TRIM44: variants seen among roughly 807,000 people sequenced by gnomAD.
The protein encoded by TRIM44 is tripartite motif containing 44, also known as tripartite motif-containing protein 44.
TRIM44 carries 13 observed loss-of-function variants against 37.4 expected under a neutral mutation model. The observed-to-expected ratio is 0.35, with a 90% CI of 0.23 to 0.55. The LOEUF (loss-of-function observed/expected upper bound fraction) is 0.55, where lower values mean the gene tolerates loss of function less well. Among genes scored for constraint, TRIM44 ranks in the 20% least tolerant of loss-of-function variants. TRIM44 has a pLI of 0.89. For synonymous variants in TRIM44, 175 were observed against 157.2 expected (o/e 1.11, Z -0.85); for missense variants, 426 against 437.2 (o/e 0.97, Z 0.23).
chr11:35,663,407 G>A lies in TRIM44; in HGVS notation c.296G>A (p.Ser99Asn). The A allele has an allele frequency of 6.3e-7, 1 of 1,589,900 alleles. No homozygotes were observed. Among genetic ancestry groups the A allele is most frequent in the Non-Finnish European group, 8.6e-7 (1 of 1,166,770 alleles). ...ATAGAAAGCGAGGCAGGGGAAGAGA[G>A]TGAGTCGGAGGAAGAGAGCGAGTCA... is the stretch of plus-strand genomic sequence containing the variant. ...REIESEAGEE[S>N]ESEEESESEE... Residue 99 changes from serine to asparagine, a missense_variant, in exon 1 of 5, where the codon AGT becomes AAT. By Grantham distance (46) the Ser-to-Asn change is conservative. This residue lies in a region of TRIM44 where 331 missense variants were observed against 303.0 expected (regional missense o/e 1.09). Coordinates refer to ENST00000299413, the MANE Select transcript of TRIM44 (RefSeq NM_017583.6).
chr11:35,788,672 C>T (rs906190135), intron 4 of TRIM44, among the ~76,000 whole-genome samples: 11 of 152,152 alleles, frequency 7.2e-5, no homozygotes, highest in Non-Finnish European at 1.2e-4. Flanking sequence ...TGGTTCTCAG[C>T]GTTGGTTGCT....
At chr11:35,759,877 C>T (rs1240235885) in intron 4 of TRIM44, among the ~76,000 whole-genome samples, 1 of 152,138 alleles carries the variant, frequency 6.6e-6, no homozygotes, top group Non-Finnish European at 1.5e-5. Context: ...AGAGGAGTAC[C>T]CAGCCGTGTG....
chr11:35,727,335 GC>G (rs1394529473), intron 3 of TRIM44, among the ~76,000 whole-genome samples: 1 of 152,134 alleles, frequency 6.6e-6, no homozygotes, highest in Non-Finnish European at 1.5e-5. Context: ...TGCTGACTCA[GC>G]AAGTCCATCC....
chr11:35,726,476 A>G (rs1418548094), intron 3 of TRIM44, among the ~76,000 whole-genome samples: 2 of 152,206 alleles, frequency 1.3e-5, no homozygotes, highest in African/African-American at 4.8e-5. Context: ...AAGTTGTGAA[A>G]TGAGCCTTTA....
intron 2 of TRIM44, among the ~76,000 whole-genome samples, chr11:35,710,758 A>G (rs1204968949): frequency 6.6e-6 from 1 of 152,226 alleles, no homozygotes; most frequent in Non-Finnish European, 1.5e-5. Context: ...TTTCTCTTAC[A>G]AAAGGGTAAC....
chr11:35,763,177 A>G (rs1852750825), intron 4 of TRIM44, among the ~76,000 whole-genome samples: 1 of 152,218 alleles, frequency 6.6e-6, no homozygotes, highest in South Asian at 2.1e-4. Context: ...AAAGGGCAAT[A>G]GAAAACCATG....
intron 2 of TRIM44, among the ~76,000 whole-genome samples, chr11:35,703,376 A>G (rs190816686): frequency 1.3e-5 from 2 of 151,826 alleles, no homozygotes; most frequent in Non-Finnish European, 2.9e-5. Context: ...AGACTTAAAT[A>G]TCCCTGTCTT....
intron 2 of TRIM44, among the ~76,000 whole-genome samples, chr11:35,704,476 G>T (rs977807171): frequency 7.2e-5 from 11 of 152,126 alleles, no homozygotes; most frequent in Non-Finnish European, 1.5e-4. Context: ...CACCAAAGTT[G>T]AAATGAAGGA....
Position 35,755,310 on chromosome 11 carries a change from G to C in TRIM44, c.1007+19865G>C, listed in dbSNP as rs534892741. Among the ~76,000 whole-genome samples the C allele has an allele frequency of 3.9e-5, 6 of 152,332 alleles. No individual in the cohort carries two copies. In the East Asian group the frequency reaches 1.2e-3, roughly 29 times the overall value. On this transcript the variant is annotated intron_variant, in intron 4 of 4. Coordinates refer to ENST00000299413, the MANE Select transcript of TRIM44 (RefSeq NM_017583.6). ...TGGCTGCATAAATGTCTTCTTTTGAGAAGTGTCTGTTCATATCTTTTGCCC... is the reference window on the plus strand; with the variant it reads ...TGGCTGCATAAATGTCTTCTTTTGACAAGTGTCTGTTCATATCTTTTGCCC...
rs1049198534 is a variant in TRIM44, at chr11:35,663,338, C to G, written c.227C>G (p.Ala76Gly). Residue 76 changes from alanine (A) to glycine (G), a missense_variant, in exon 1 of 5, where the codon GCG (alanine) becomes GGG (glycine). Ala to Gly is a moderately conservative substitution (Grantham distance 60). Transcript: ENST00000299413. ...ACCCCGCCAGCTGACGGAGAGGGGG[C>G]GGGGAAGGAAGAAGCGGAGGTCAAG... ...AWTPPADGEG[A>G]GKEEAEVKVE... 17 of 1,613,430 alleles carry G rather than the reference C, an allele frequency of 1.1e-5. No individual in the cohort carries two copies. In the African/African-American group the frequency reaches 1.9e-4, roughly 18 times the overall value.
chr11:35,691,056 T>C (rs966649016), intron 2 of TRIM44, among the ~76,000 whole-genome samples: 2 of 152,128 alleles, frequency 1.3e-5, no homozygotes, highest in Admixed American at 1.3e-4. Context: ...CATAGCACAG[T>C]CCCCCACAGC....
intron 4 of TRIM44, among the ~76,000 whole-genome samples, chr11:35,757,256 T>C (rs1214083106): frequency 6.6e-6 from 1 of 152,246 alleles, no homozygotes; most frequent in Non-Finnish European, 1.5e-5. Context: ...GAGGAATTTA[T>C]CCATTTCTTC....
intron 1 of TRIM44, among the ~76,000 whole-genome samples, chr11:35,684,686 G>T (rs504423): frequency 0.98 from 149,876 of 152,246 alleles, 73,776 homozygotes; most frequent in East Asian, 1. Flanking sequence ...AGTTTTATGG[G>T]TTTTTTTGGT....
chr11:35,728,200 C>T (rs1852207566), intron 3 of TRIM44, among the ~76,000 whole-genome samples: 1 of 152,090 alleles, frequency 6.6e-6, no homozygotes, highest in African/African-American at 2.4e-5. Flanking sequence ...GTGGCGAGCA[C>T]CTGCAGTCCC....
Position 35,792,111 on chromosome 11 carries a change from A to ACACACACACACACACACTCT in TRIM44, c.1008-14246_1008-14245insACACACACACACACACTCTC, listed in dbSNP as rs796092540. On this transcript the variant is annotated intron_variant, in intron 4 of 4. Transcript: ENST00000299413. ...CACACACACACACACACACACACACACTCTCTCTCATCATTCTCTATTCCA... is the reference window on the plus strand; with the variant it reads ...CACACACACACACACACACACACACACACACACACACACACACTCTCTCTCTCTCATCATTCTCTATTCCA... 3.7e-3 allele frequency among the ~76,000 whole-genome samples: 423 copies of ACACACACACACACACACTCT among 114,270 alleles called. 2 individuals are homozygous for ACACACACACACACACACTCT. The highest frequency in any genetic ancestry group is 0.01 in the Admixed American group (125 of 11,948). 75.0% of individuals were successfully genotyped at this position (114,270 alleles called of 152,430 possible).
chr11:35,738,756 C>T (rs544889397), intron 4 of TRIM44, among the ~76,000 whole-genome samples: 54 of 152,096 alleles, frequency 3.6e-4, no homozygotes, highest in African/African-American at 1.2e-3. Context: ...GTATAAGGAA[C>T]GCAGAAAGGA....
At chr11:35,776,378 A>G (rs1294992132) in intron 4 of TRIM44, among the ~76,000 whole-genome samples, 3 of 152,070 alleles carry the variant, frequency 2.0e-5, no homozygotes, top group East Asian at 1.9e-4. Flanking sequence ...CTAGCGGTCT[A>G]TCAATTTTGT....
chr11:35,810,083 T>G lies in TRIM44; in HGVS notation c.*3698T>G, dbSNP rs1181652375. ...AGGCACTGAGTCAAAGTGACAGCCC[T>G]GAAGGAAATTGCACTCCAGCCCTCC... On this transcript the variant is annotated 3_prime_UTR_variant, in exon 5 of 5. Coordinates refer to ENST00000299413, the MANE Select transcript of TRIM44 (RefSeq NM_017583.6). 6.6e-6 allele frequency: 1 copy of G among 152,096 alleles called. No homozygotes were observed. The highest frequency in any genetic ancestry group is 1.5e-5 in the Non-Finnish European group (1 of 68,022). 9.4% of individuals were successfully genotyped at this position (152,096 alleles called of 1,614,324 possible).
intron 1 of TRIM44, among the ~76,000 whole-genome samples, chr11:35,671,808 T>C (rs1482712175): frequency 6.6e-6 from 1 of 152,250 alleles, no homozygotes; most frequent in Admixed American, 6.5e-5. Flanking sequence ...ATTGCTGTAT[T>C]GCAGTTTTGG....
Sources: gnomAD v4.1 joint callset for allele counts (sites outside exome capture counted in the v4.1 genomes callset) on GRCh38, gnomAD v4.1.1 for gene constraint, gnomAD v4.1.1 regional missense constraint, MANE v1.5 for transcripts, NCBI Gene and HGNC (gene_info 2026-07-23, HGNC 2026-07-21) for gene names.